The following ADCY7 variants were observed in gnomAD, a reference collection of about 807,000 sequenced individuals.
ADCY7 encodes the protein adenylate cyclase type 7.
ADCY7 carries 72 observed loss-of-function variants against 120.6 expected under a neutral mutation model. That is an observed-to-expected ratio of 0.60 (90% CI 0.49 to 0.73). The LOEUF is 0.73. Ranked by LOEUF, ADCY7 falls within the 30% of genes least tolerant of loss-of-function variation. ADCY7 has a pLI of 0.00. For synonymous variants in ADCY7, 661 were observed against 628.0 expected (o/e 1.05, Z -0.78); for missense variants, 1,227 against 1,486.0 (o/e 0.83, Z 2.87).
At chr16:50,310,341 C>A in intron 18 of ADCY7, 1 of 928,554 alleles carries the variant, frequency 1.1e-6, no homozygotes, top group Non-Finnish European at 1.7e-6. Context: ...ACAGCACAAT[C>A]TTGAGCAGGG....
chr16:50,283,900 T>G (rs2034425429), intron 1 of ADCY7, among the ~76,000 whole-genome samples: 1 of 152,124 alleles, frequency 6.6e-6, no homozygotes, highest in African/African-American at 2.4e-5. Flanking sequence ...TGAGAGGTGG[T>G]GAGCCCCCCC....
In ADCY7 at chr16:50,308,710, G is replaced by A; in HGVS notation, c.1979G>A (p.Arg660Lys). ...ARGTLCTISE[R>K]VETQPLLRLT... ...GGGACGCTCTGCACTATCTCTGAGA[G>A]GGTGGAGACACAGCCCCTGCTGAGG... The change falls in exon 17 of 26, where the codon AGG (arginine) becomes AAG (lysine). Residue 660 changes from arginine (R) to lysine (K), a missense_variant. Arg to Lys is a conservative substitution (Grantham distance 26). Transcript: ENST00000673801. 6.2e-7 allele frequency: 1 copy of A among 1,613,722 alleles called. No homozygotes were observed. The highest frequency in any genetic ancestry group is 8.5e-7 in the Non-Finnish European group (1 of 1,179,998).
chr16:50,309,300 C>G (rs558580250), intron 17 of ADCY7: 1 of 486,880 alleles, frequency 2.1e-6, no homozygotes. Flanking sequence ...ATGTTGGTCC[C>G]GGCCCCTCCC....
At chr16:50,260,266 G>C (rs545423711) in intron 1 of ADCY7, among the ~76,000 whole-genome samples, 3 of 152,334 alleles carry the variant, frequency 2.0e-5, no homozygotes, top group South Asian at 4.1e-4. Context: ...AGCCAGATGG[G>C]TCTGATGGAG....
At chr16:50,311,438 C>A (rs942440683) in intron 19 of ADCY7, among the ~76,000 whole-genome samples, 3 of 152,196 alleles carry the variant, frequency 2.0e-5, no homozygotes, top group Non-Finnish European at 4.4e-5. Flanking sequence ...TCTGGGCTCC[C>A]TTCAGGCCCT....
At chr16:50,272,924 C>T (rs767749782) in intron 1 of ADCY7, among the ~76,000 whole-genome samples, 1 of 152,178 alleles carries the variant, frequency 6.6e-6, no homozygotes, top group Non-Finnish European at 1.5e-5. Context: ...TATACCCAGA[C>T]TCCCTGGAGA....
rs1401360128 is a variant in ADCY7, at chr16:50,294,697, G to A, written c.894G>A (p.Lys298=). 1.3e-6 allele frequency: 2 copies of A among 1,597,868 alleles called. No homozygotes were observed. The highest frequency in any genetic ancestry group is 2.7e-5 in the African/African-American group (2 of 74,416). The change falls in exon 7 of 26, where the codon AAG becomes AAA. Residue 298 remains lysine, a synonymous_variant. Transcript: ENST00000673801. The stretch of plus-strand genomic sequence containing the variant: ...AGCTGGCCAGCGACTGTTCTCCCAA[G>A]GAGCTGGTGGTGGTGCTGAATGAGC... ...FTQLASDCSP[K]ELVVVLNELF...
At chr16:50,306,924 G>T in intron 14 of ADCY7, 126 bp from the exon 15 acceptor site, 1 of 710,668 alleles carries the variant, frequency 1.4e-6, no homozygotes, top group East Asian at 2.8e-5. Flanking sequence ...CTCCCAAAGT[G>T]CTGGGATTAC....
At chr16:50,306,287 T>A (rs1181256833) in intron 14 of ADCY7, among the ~76,000 whole-genome samples, 1 of 150,944 alleles carries the variant, frequency 6.6e-6, no homozygotes, top group Non-Finnish European at 1.5e-5. Context: ...GGCAGCATCC[T>A]CGGCACCCAC....
At chr16:50,252,733 C>G (rs531748960) in intron 1 of ADCY7, among the ~76,000 whole-genome samples, 8 of 152,114 alleles carry the variant, frequency 5.3e-5, no homozygotes, top group Non-Finnish European at 8.8e-5. Flanking sequence ...GGCTAAGGCT[C>G]TGGGCTCCAT....
chr16:50,299,798 G>C (rs898042456), intron 8 of ADCY7, among the ~76,000 whole-genome samples: 2 of 152,290 alleles, frequency 1.3e-5, no homozygotes, highest in East Asian at 1.9e-4. Flanking sequence ...CTCTGGTTCC[G>C]ACCCTGGAAG....
intron 12 of ADCY7, among the ~76,000 whole-genome samples, chr16:50,305,283 C>T (rs148887327): frequency 3.3e-5 from 5 of 152,304 alleles, no homozygotes; most frequent in Non-Finnish European, 7.3e-5. Flanking sequence ...GACTGGGGCT[C>T]GGGTCTGCCC....
Position 50,304,540 on chromosome 16 carries a change from C to G in ADCY7, c.1549C>G (p.Arg517Gly). The change falls in exon 11 of 26, where the codon CGG becomes GGG. Residue 517 changes from arginine to glycine, a missense_variant. Arg to Gly is a moderately radical substitution (Grantham distance 125). This residue lies in a region of ADCY7 where 332 missense variants were observed against 455.8 expected (regional missense o/e 0.73). Transcript: ENST00000673801. ...SSGETHVPNGRRPKSVPQRHR... is the reference protein window; with the variant it reads ...SSGETHVPNGGRPKSVPQRHR... The stretch of plus-strand genomic sequence containing the variant: ...TGGTGAGACCCACGTCCCCAACGGG[C>G]GGAGGCCTAAGGTAGGTCCCCCTCC... 1.3e-6 allele frequency: 2 copies of G among 1,553,388 alleles called. No homozygotes were observed. Among genetic ancestry groups the G allele is most frequent in the Non-Finnish European group, 1.7e-6 (2 of 1,148,090 alleles).
At chr16:50,300,929 AG>A (rs3833062) in intron 9 of ADCY7, 56 bp downstream of exon 9, 470,445 of 1,542,746 alleles carry the variant, frequency 0.3, 72,656 homozygotes, top group African/African-American at 0.34. Flanking sequence ...CTGTGGATGG[AG>A]GGTTCTGCGG....
intron 7 of ADCY7, among the ~76,000 whole-genome samples, chr16:50,296,827 T>C (rs548056028): frequency 3.8e-4 from 58 of 152,334 alleles, no homozygotes; most frequent in African/African-American, 1.4e-3. Context: ...ACCAAGCTTC[T>C]ACAGGATTGC....
At position 50,246,429 on chromosome 16, in the gene ADCY7, C is replaced by G. The variant is rs1308605673; in HGVS notation, c.-64+226C>G. Among the ~76,000 whole-genome samples, 2 of 151,954 alleles carry G rather than the reference C, an allele frequency of 1.3e-5. 1 individual carries two copies. Among genetic ancestry groups the G allele is most frequent in the South Asian group, 4.1e-4 (2 of 4,820 alleles). On this transcript the variant is annotated intron_variant, in intron 1 of 4. Coordinates refer to the ADCY7 transcript ENST00000564044. Reference sequence around the variant, plus strand: ...CCTCCCTCGGGCCACGACCTCCTCCCTTAGGCACGGCCAGGAGACGCTTCC... The same window carrying G: ...CCTCCCTCGGGCCACGACCTCCTCCGTTAGGCACGGCCAGGAGACGCTTCC...
intron 1 of ADCY7, among the ~76,000 whole-genome samples, chr16:50,278,732 G>C (rs888839856): frequency 6.6e-6 from 1 of 152,178 alleles, no homozygotes; most frequent in African/African-American, 2.4e-5. Flanking sequence ...TTGCTGTCTT[G>C]TGGATGCTGC....
chr16:50,273,228 T>C (rs1444225908), intron 1 of ADCY7, among the ~76,000 whole-genome samples: 1 of 152,102 alleles, frequency 6.6e-6, no homozygotes, highest in Non-Finnish European at 1.5e-5. Context: ...ATTCTGTGGG[T>C]TAGGAAACTG....
rs1490822403 is a variant in ADCY7 at position 50,317,911 on chromosome 16, A to AACAAACAG, written c.*2408_*2415dup. 6.6e-6 allele frequency: 1 copy of AACAAACAG among 152,168 alleles called. No homozygotes were observed. The highest frequency in any genetic ancestry group is 1.5e-5 in the Non-Finnish European group (1 of 67,946). 9.4% of individuals were successfully genotyped at this position (152,168 alleles called of 1,614,324 possible). A position where few individuals can be genotyped will look rare whatever the true frequency, so the allele number is the denominator to read the frequency against. On this transcript the variant is annotated 3_prime_UTR_variant, in exon 26 of 26. Coordinates refer to ENST00000673801, the MANE Select transcript of ADCY7 (RefSeq NM_001114.5). ...AAATTTCCTAACAAACAAACAAACA[A>AACAAACAG]ACAAACAGAAGAGAAGATCATTAAC... is the stretch of plus-strand genomic sequence containing the variant.
Sources: gnomAD v4.1 joint callset for allele counts (sites outside exome capture counted in the v4.1 genomes callset) on GRCh38, gnomAD v4.1.1 for gene constraint, gnomAD v4.1.1 regional missense constraint, MANE v1.5 for transcripts, NCBI Gene and HGNC (gene_info 2026-07-23, HGNC 2026-07-21) for gene names.